Variants in AP2A2 observed in about 807,000 individuals in gnomAD.
AP2A2 encodes adaptor related protein complex 2 subunit alpha 2.
AP2A2 carries 32 observed loss-of-function variants against 104.2 expected under a neutral mutation model. The observed-to-expected ratio is 0.31, with a 90% confidence interval of 0.23 to 0.41. The LOEUF (loss-of-function observed/expected upper bound fraction) is 0.41. Among genes scored for constraint, AP2A2 ranks in the 10% least tolerant of loss-of-function variants. AP2A2 has a pLI of 1.00. For missense variants in AP2A2, 912 were observed against 1,261.0 expected (o/e 0.72, Z 4.19); for synonymous variants, 539 against 533.3 (o/e 1.01, Z -0.15).
Position 1,010,188 on chromosome 11 carries a change from T to C in AP2A2, c.2743-360T>C. Reference sequence around the variant, plus strand: ...CTCTCTGTCACCGCGTTGTTCCTTCTCACCACGTCCCGTTCTGGCGACGGA... The same window carrying C: ...CTCTCTGTCACCGCGTTGTTCCTTCCCACCACGTCCCGTTCTGGCGACGGA... On this transcript the variant is annotated intron_variant, in intron 21 of 21. Transcript: ENST00000448903. 6.3e-6 allele frequency: 3 copies of C among 479,242 alleles called. 1 individual carries two copies. In the South Asian group the frequency reaches 9.7e-5, roughly 16 times the overall value. 29.7% of individuals were successfully genotyped at this position (479,242 alleles called of 1,614,324 possible). A position where few individuals can be genotyped will look rare whatever the true frequency, so the allele number is the denominator to read the frequency against.
At chr11:972,007 A>G (rs1854847024) in intron 3 of AP2A2, 55 bp from the exon 4 acceptor site, 3 of 1,522,248 alleles carry the variant, frequency 2.0e-6, no homozygotes, top group Non-Finnish European at 2.7e-6. Flanking sequence ...ACTCAGGGCC[A>G]CAGGTGGACT....
chr11:949,207 C>T (rs970185237), intron 1 of AP2A2, among the ~76,000 whole-genome samples: 3 of 149,316 alleles, frequency 2.0e-5, no homozygotes, highest in Non-Finnish European at 2.9e-5. Flanking sequence ...AACCGAGAGG[C>T]GGAGGTTGCA....
At chr11:977,854 T>C (rs1855102491) in intron 5 of AP2A2, among the ~76,000 whole-genome samples, 1 of 152,002 alleles carries the variant, frequency 6.6e-6, no homozygotes, top group Admixed American at 6.6e-5. Context: ...TCCTGCTGCG[T>C]GGAGAGGCAT....
rs753214089 is a variant in AP2A2, at chr11:994,201, G to A, written c.1912G>A (p.Val638Met). 3.0e-5 allele frequency: 48 copies of A among 1,612,812 alleles called. No individual in the cohort carries two copies. Among genetic ancestry groups the A allele is most frequent in the Non-Finnish European group, 3.5e-5 (41 of 1,179,854 alleles). Reference sequence around the variant, plus strand: ...CACCAAGCGGGACAGGAGTGTGGACGTGAACGGGGGTCCTGAGCCTGCCCC... The same window carrying A: ...CACCAAGCGGGACAGGAGTGTGGACATGAACGGGGGTCCTGAGCCTGCCCC... ...EDTKRDRSVD[V>M]NGGPEPAPAS... is the part of the protein sequence containing the mutation. The change falls in exon 14 of 22, where the codon GTG (valine) becomes ATG (methionine). Residue 638 changes from valine to methionine, a missense_variant. Around this residue, in one of 7 missense-constraint regions of AP2A2, gnomAD observed 105 missense variants for 90.9 expected, o/e 1.16. Coordinates refer to ENST00000448903, the MANE Select transcript of AP2A2 (RefSeq NM_012305.4).
chr11:926,232 C>T (rs1330847386), intron 1 of AP2A2, 144 bp downstream of exon 1: 2 of 187,108 alleles, frequency 1.1e-5, no homozygotes, highest in African/African-American at 6.0e-5. Context: ...GCGGGCGGCG[C>T]TCGGGGTCTT....
chr11:1,010,313 G>A, intron 21 of AP2A2: 1 of 582,356 alleles, frequency 1.7e-6, no homozygotes. Flanking sequence ...GCTTCTCCAG[G>A]TGGCCGTGCC....
intron 9 of AP2A2, 46 bp downstream of exon 9, chr11:986,999 C>G: frequency 6.5e-7 from 1 of 1,536,262 alleles, no homozygotes; most frequent in Non-Finnish European, 8.8e-7. Context: ...GAGCAGGTGC[C>G]GTGGGTCTTC....
At chr11:934,509 G>A (rs1853390518) in intron 1 of AP2A2, among the ~76,000 whole-genome samples, 1 of 152,064 alleles carries the variant, frequency 6.6e-6, no homozygotes, top group Admixed American at 6.6e-5. Flanking sequence ...AGTTGTGATG[G>A]TTTTGTGTTC....
At chr11:985,940 C>T (rs929577879) in intron 8 of AP2A2, among the ~76,000 whole-genome samples, 3 of 152,232 alleles carry the variant, frequency 2.0e-5, no homozygotes, top group Admixed American at 6.5e-5. Flanking sequence ...TGGAGCCGCA[C>T]TTGGTGGGTC....
intron 6 of AP2A2, among the ~76,000 whole-genome samples, chr11:983,781 C>T (rs552894325): frequency 1.1e-4 from 16 of 152,128 alleles, no homozygotes; most frequent in South Asian, 2.1e-4. Context: ...TCTCTGAGCC[C>T]GGCCTTAGGT....
At position 979,851 on chromosome 11, in the gene AP2A2, C is replaced by A. The variant is rs1371381794; in HGVS notation, c.604-1347C>A. On this transcript the variant is annotated intron_variant, in intron 5 of 21. Coordinates refer to ENST00000448903, the MANE Select transcript of AP2A2 (RefSeq NM_012305.4). ...CAAAGTGCTGGGATTACAGCATAAGCCACCGTGCCCACGCAAGTAGACACT... is the reference window on the plus strand; with the variant it reads ...CAAAGTGCTGGGATTACAGCATAAGACACCGTGCCCACGCAAGTAGACACT... Among the ~76,000 whole-genome samples, 11 of 152,310 alleles carry A rather than the reference C, an allele frequency of 7.2e-5. No homozygotes were observed. In the East Asian group the frequency reaches 2.1e-3, roughly 29 times the overall value.
intron 14 of AP2A2, among the ~76,000 whole-genome samples, chr11:998,934 T>C (rs967025829): frequency 3.3e-5 from 5 of 152,166 alleles, no homozygotes; most frequent in African/African-American, 1.2e-4. Context: ...CCTTGGGATC[T>C]GCCCCCCTCG....
At chr11:927,546 T>C (rs1454945316) in intron 1 of AP2A2, among the ~76,000 whole-genome samples, 1 of 149,098 alleles carries the variant, frequency 6.7e-6, no homozygotes, top group Non-Finnish European at 1.5e-5. Flanking sequence ...CTGGGTGCGG[T>C]GGCTCAAACC....
chr11:1,005,633 GCTCT>G (rs1387518693), intron 16 of AP2A2, among the ~76,000 whole-genome samples: 2 of 152,172 alleles, frequency 1.3e-5, no homozygotes, highest in African/African-American at 4.8e-5. Context: ...CCTCAGGACT[GCTCT>G]CTCTCTCATC....
At chr11:1,002,703 G>A (rs1564821445) in intron 15 of AP2A2, among the ~76,000 whole-genome samples, 1 of 152,268 alleles carries the variant, frequency 6.6e-6, no homozygotes, top group Non-Finnish European at 1.5e-5. Flanking sequence ...CCATACAGCA[G>A]GATGCCGATG....
At chr11:964,918 G>A (rs1854564319) in intron 2 of AP2A2, among the ~76,000 whole-genome samples, 2 of 119,214 alleles carry the variant, frequency 1.7e-5, no homozygotes, top group East Asian at 4.3e-4. Flanking sequence ...CCAGATGGAA[G>A]CGTGGAGGTG....
At chr11:933,469 G>C (rs532339597) in intron 1 of AP2A2, 1 of 450,702 alleles carries the variant, frequency 2.2e-6, no homozygotes, top group African/African-American at 2.0e-5. Context: ...GAGAATTTCC[G>C]GGTGGGTGGG....
chr11:982,285 A>T lies in AP2A2; in HGVS notation c.705+986A>T, dbSNP rs1332207401. 3.3e-5 allele frequency among the ~76,000 whole-genome samples: 5 copies of T among 152,272 alleles called. No homozygotes were observed. In the East Asian group the frequency reaches 7.7e-4, roughly 24 times the overall value. On this transcript the variant is annotated intron_variant, in intron 6 of 21. Transcript: ENST00000448903. ...AGGCTGGTCTTGAACTCCTGACCTC[A>T]AGCAATCTTCCTGCTTTGGCCTCCC...
At chr11:952,568 C>G (rs1257010597) in intron 1 of AP2A2, among the ~76,000 whole-genome samples, 4 of 152,222 alleles carry the variant, frequency 2.6e-5, no homozygotes, top group Admixed American at 2.0e-4. Flanking sequence ...TTCCCTGATG[C>G]AAGTACAGTA....
Sources: gnomAD v4.1 joint callset for allele counts (sites outside exome capture counted in the v4.1 genomes callset) on GRCh38, gnomAD v4.1.1 for gene constraint, gnomAD v4.1.1 regional missense constraint, MANE v1.5 for transcripts, NCBI Gene and HGNC (gene_info 2026-07-23, HGNC 2026-07-21) for gene names.